The following SH3BGR variants were observed in gnomAD, a reference collection of about 807,000 sequenced individuals.
SH3BGR encodes the protein SH3 domain-binding glutamic acid-rich protein.
A neutral mutation model predicts 24.5 loss-of-function variants in SH3BGR; 29 were observed. The observed-to-expected ratio is 1.18, with a 90% CI of 0.88 to 1.61. The LOEUF (loss-of-function observed/expected upper bound fraction) is 1.61, where lower values mean the gene tolerates loss of function less well. Ranked by LOEUF, SH3BGR falls within the 40% of genes most tolerant of loss-of-function variation. The pLI is 0.00. For synonymous variants in SH3BGR, 55 were observed against 65.7 expected (o/e 0.84, Z 0.79); for missense variants, 162 against 205.8 (o/e 0.79, Z 1.30).
chr21:39,498,159 A>G (rs1212916397), intron 3 of SH3BGR, among the ~76,000 whole-genome samples: 1 of 152,258 alleles, frequency 6.6e-6, no homozygotes, highest in East Asian at 1.9e-4. Flanking sequence ...TTTCTGTTTC[A>G]AAACCACAAA....
chr21:39,452,451 T>A (rs1419369285), intron 1 of SH3BGR, among the ~76,000 whole-genome samples: 1 of 152,254 alleles, frequency 6.6e-6, no homozygotes, highest in Non-Finnish European at 1.5e-5. Context: ...TTTTTGTATG[T>A]GTTTCTGCCA....
intron 3 of SH3BGR, among the ~76,000 whole-genome samples, chr21:39,498,806 A>T (rs149838337): frequency 6.6e-6 from 1 of 152,156 alleles, no homozygotes; most frequent in African/African-American, 2.4e-5. Flanking sequence ...TTATCTATTC[A>T]TCTGTCTAAT....
chr21:39,508,402 G>C (rs971580434), intron 4 of SH3BGR, among the ~76,000 whole-genome samples: 3 of 152,216 alleles, frequency 2.0e-5, no homozygotes, highest in African/African-American at 4.8e-5. Flanking sequence ...CAGTGGGCTG[G>C]TGGCTTGCAC....
chr21:39,505,463 T>C (rs992409877), intron 4 of SH3BGR, among the ~76,000 whole-genome samples: 1 of 152,206 alleles, frequency 6.6e-6, no homozygotes, highest in Non-Finnish European at 1.5e-5. Context: ...AATTCAGATA[T>C]TGATAAAGAG....
chr21:39,467,217 T>C (rs187587064), intron 2 of SH3BGR, among the ~76,000 whole-genome samples: 9 of 152,122 alleles, frequency 5.9e-5, no homozygotes, highest in Middle Eastern at 3.2e-3. Flanking sequence ...AAAAAGAAGA[T>C]TTCAAAGTCA....
chr21:39,511,097 A>T lies in SH3BGR; in HGVS notation c.436-583A>T, dbSNP rs1569178552. On this transcript the variant is annotated intron_variant, in intron 5 of 6. Coordinates refer to ENST00000333634, the MANE Select transcript of SH3BGR (RefSeq NM_007341.3). The surrounding 1 kb of genome is among the most constrained non-coding windows in gnomAD (Gnocchi z 4.2). Reference sequence around the variant, plus strand: ...TGAGGACTCTGTGTTTAGAAGGATGATTTTTTTTATGTGTGTGTATGTATG... The same window carrying T: ...TGAGGACTCTGTGTTTAGAAGGATGTTTTTTTTTATGTGTGTGTATGTATG... 2.0e-5 allele frequency among the ~76,000 whole-genome samples: 3 copies of T among 150,700 alleles called. No homozygotes were observed. The highest frequency in any genetic ancestry group is 7.3e-5 in the African/African-American group (3 of 40,920).
chr21:39,447,971 C>T (rs1272337995), upstream of SH3BGR, among the ~76,000 whole-genome samples: 1 of 152,130 alleles, frequency 6.6e-6, no homozygotes, highest in Non-Finnish European at 1.5e-5. Context: ...GTCTGAAAGT[C>T]CATGTTTCCT....
At chr21:39,505,001 T>C (rs1405632055) in intron 4 of SH3BGR, among the ~76,000 whole-genome samples, 1 of 152,104 alleles carries the variant, frequency 6.6e-6, no homozygotes, top group Non-Finnish European at 1.5e-5. Context: ...TTTGTAGAGA[T>C]GGGGTCTTGC....
intron 3 of SH3BGR, among the ~76,000 whole-genome samples, chr21:39,496,335 C>T (rs1430402805): frequency 2.0e-5 from 3 of 151,720 alleles, no homozygotes; most frequent in African/African-American, 7.2e-5. Flanking sequence ...CCCGTCTCTA[C>T]TAAAAATACA....
chr21:39,456,612 G>A (rs1033542070), intron 1 of SH3BGR, among the ~76,000 whole-genome samples: 1 of 146,716 alleles, frequency 6.8e-6, no homozygotes, highest in African/African-American at 2.5e-5. Flanking sequence ...ATTCCATGCG[G>A]GGTAGCAGAT....
intron 2 of SH3BGR, among the ~76,000 whole-genome samples, chr21:39,471,755 C>T (rs1302092152): frequency 1.3e-5 from 2 of 152,170 alleles, no homozygotes; most frequent in Admixed American, 1.3e-4. Flanking sequence ...AGCCACCACA[C>T]CCAGCCTGGA....
intron 3 of SH3BGR, among the ~76,000 whole-genome samples, chr21:39,479,253 G>C (rs1238787775): frequency 1.3e-5 from 2 of 150,638 alleles, no homozygotes; most frequent in South Asian, 4.2e-4. Context: ...GGTGGTGGTG[G>C]TGGTGATGGT....
At chr21:39,459,210 T>TC (rs2088554455) in intron 1 of SH3BGR, among the ~76,000 whole-genome samples, 1 of 151,634 alleles carries the variant, frequency 6.6e-6, no homozygotes, top group African/African-American at 2.4e-5. Context: ...CTTCCTTCCT[T>TC]CTTCCTTTTT....
chr21:39,482,253 A>G (rs2078141944), intron 3 of SH3BGR, among the ~76,000 whole-genome samples: 1 of 152,254 alleles, frequency 6.6e-6, no homozygotes, highest in South Asian at 2.1e-4. Flanking sequence ...AACATTCTTC[A>G]AGATAACTGA....
intron 2 of SH3BGR, among the ~76,000 whole-genome samples, chr21:39,464,231 T>G (rs2077802933): frequency 6.6e-6 from 1 of 151,414 alleles, no homozygotes; most frequent in South Asian, 2.1e-4. Context: ...GGTAACCCTC[T>G]TTTTTTTTGA....
chr21:39,458,011 AT>A (rs2077691748), intron 1 of SH3BGR, among the ~76,000 whole-genome samples: 1 of 152,198 alleles, frequency 6.6e-6, no homozygotes, highest in Non-Finnish European at 1.5e-5. Context: ...GAGTCATTAA[AT>A]TTGTCAAAAG....
rs145290061 is a variant in SH3BGR at position 39,478,463 on chromosome 21, A to G, written c.312+3248A>G. The stretch of plus-strand genomic sequence containing the variant: ...CAATTCTGGGAGATTTTAGGGTCCA[A>G]TTTTTTGGTTTTGAAGTTGTACGAT... On this transcript the variant is annotated intron_variant, in intron 3 of 6. Coordinates refer to ENST00000333634, the MANE Select transcript of SH3BGR (RefSeq NM_007341.3). Among the ~76,000 whole-genome samples, 8 of 152,206 alleles carry G rather than the reference A, an allele frequency of 5.3e-5. No individual in the cohort carries two copies. The East Asian group carries it at 1.4e-3, about 26-fold the overall frequency.
intron 4 of SH3BGR, among the ~76,000 whole-genome samples, chr21:39,505,589 C>T (rs889017482): frequency 3.9e-5 from 6 of 152,092 alleles, no homozygotes; most frequent in African/African-American, 1.4e-4. Context: ...CATGGTGAAA[C>T]CCCATCTCTA....
At chr21:39,504,459 C>G (rs79994748) in intron 4 of SH3BGR, among the ~76,000 whole-genome samples, 12,826 of 152,268 alleles carry the variant, frequency 0.084, 778 homozygotes, top group African/African-American at 0.17. Flanking sequence ...CACTCACCAC[C>G]ACGGACACCT....
Sources: allele counts gnomAD v4.1 joint callset (sites outside exome capture counted in the v4.1 genomes callset), GRCh38; gene constraint gnomAD v4.1.1; non-coding constraint Gnocchi (gnomAD v3.1); transcripts MANE v1.5; gene names NCBI Gene and HGNC (gene_info 2026-07-23, HGNC 2026-07-21).